Variants in SNX29 observed in about 807,000 individuals in gnomAD.
SNX29 encodes the protein sorting nexin 29.
SNX29 carries 78 observed loss-of-function variants against 102.1 expected under a neutral mutation model. That is an observed-to-expected ratio of 0.76 (90% CI 0.64 to 0.92). SNX29 has a LOEUF of 0.92. Among genes scored for constraint, SNX29 ranks in the 40% least tolerant of loss-of-function variants. The pLI is 0.00. For missense variants in SNX29, 1,280 were observed against 1,061.7 expected (o/e 1.21, Z -2.86); for synonymous variants, 580 against 414.5 (o/e 1.40, Z -4.85).
In SNX29 at chr16:12,318,782, C is replaced by T. The variant is rs137918166; in HGVS notation, c.1783-37381C>T. On this transcript the variant is annotated intron_variant, in intron 15 of 20. Transcript: ENST00000566228. ...ACCAACTCAAAATTACAAAGTTTCC[C>T]GGAGCTTACATACCTTCTAAGCTAC... is the stretch of plus-strand genomic sequence containing the variant. Among the ~76,000 whole-genome samples, 232 of 152,022 alleles carry T rather than the reference C, an allele frequency of 1.5e-3. 1 individual carries two copies. Among genetic ancestry groups the T allele is most frequent in the Middle Eastern group, 0.01 (3 of 294 alleles).
intron 19 of SNX29, among the ~76,000 whole-genome samples, chr16:12,509,619 AT>A (rs2089520806): frequency 6.6e-6 from 1 of 152,212 alleles, no homozygotes; most frequent in African/African-American, 2.4e-5. Context: ...TGGACCTCAG[AT>A]ACAAAAATGT....
At chr16:12,101,076 T>C (rs1480300983) in intron 11 of SNX29, among the ~76,000 whole-genome samples, 1 of 152,196 alleles carries the variant, frequency 6.6e-6, no homozygotes, top group African/African-American at 2.4e-5. Flanking sequence ...GTCTTTCAGC[T>C]GTTACTTCAT....
At chr16:12,566,781 A>G (rs2079029264) in intron 20 of SNX29, among the ~76,000 whole-genome samples, 1 of 152,230 alleles carries the variant, frequency 6.6e-6, no homozygotes, top group Non-Finnish European at 1.5e-5. Flanking sequence ...AGCACAGCAC[A>G]CGCCAGGCTG....
chr16:12,535,036 T>C (rs547088908), intron 20 of SNX29, among the ~76,000 whole-genome samples: 5 of 152,226 alleles, frequency 3.3e-5, no homozygotes, highest in African/African-American at 7.2e-5. Context: ...TTGGGTCTTA[T>C]AAAACCAGCT....
At chr16:12,181,871 G>C (rs940005892) in intron 13 of SNX29, among the ~76,000 whole-genome samples, 2 of 151,062 alleles carry the variant, frequency 1.3e-5, no homozygotes, top group African/African-American at 4.9e-5. Context: ...AATGCTGTCT[G>C]TGGGCTTCTG....
At chr16:12,129,256 C>G (rs2054349994) in intron 12 of SNX29, among the ~76,000 whole-genome samples, 1 of 152,170 alleles carries the variant, frequency 6.6e-6, no homozygotes, top group African/African-American at 2.4e-5. Context: ...AATCTCTGAC[C>G]TGGTGTAGCT....
chr16:12,151,539 T>A (rs2055302326), intron 13 of SNX29, among the ~76,000 whole-genome samples: 1 of 152,188 alleles, frequency 6.6e-6, no homozygotes, highest in Non-Finnish European at 1.5e-5. Context: ...CCTGCCTGCT[T>A]CCTGTTAAGC....
chr16:12,112,044 G>A (rs535737943), intron 11 of SNX29, among the ~76,000 whole-genome samples: 8 of 152,314 alleles, frequency 5.3e-5, no homozygotes, highest in South Asian at 4.1e-4. Context: ...GAGGTTGTGC[G>A]CAGAGGTTGC....
chr16:12,234,675 T>C (rs1237540809), intron 14 of SNX29, among the ~76,000 whole-genome samples: 2 of 152,234 alleles, frequency 1.3e-5, no homozygotes, highest in African/African-American at 2.4e-5. Flanking sequence ...AATGATTTGA[T>C]GTTAGAGCTG....
chr16:12,122,279 C>T lies in SNX29; in HGVS notation c.1403-4354C>T, dbSNP rs1475952681. 3.9e-5 allele frequency among the ~76,000 whole-genome samples: 6 copies of T among 152,222 alleles called. No homozygotes were observed. The East Asian group carries it at 1.2e-3, about 29-fold the overall frequency. On this transcript the variant is annotated intron_variant, in intron 11 of 20. Coordinates refer to ENST00000566228, the MANE Select transcript of SNX29 (RefSeq NM_032167.5). ...TCGCGTCTCTTGTCAGCCTGTGGCACATCTGAACTTCTGGAAGACTCTACA... is the reference window on the plus strand; with the variant it reads ...TCGCGTCTCTTGTCAGCCTGTGGCATATCTGAACTTCTGGAAGACTCTACA...
At chr16:12,424,650 G>C (rs1454686220) in intron 18 of SNX29, among the ~76,000 whole-genome samples, 2 of 152,190 alleles carry the variant, frequency 1.3e-5, no homozygotes, top group South Asian at 2.1e-4. Context: ...TATGAAGCAA[G>C]CAGGAATCAG....
intron 19 of SNX29, among the ~76,000 whole-genome samples, chr16:12,515,308 A>G (rs530009154): frequency 6.6e-6 from 1 of 152,250 alleles, no homozygotes; most frequent in African/African-American, 2.4e-5. Flanking sequence ...CACAGGTCTC[A>G]TTTATCTTTT....
chr16:12,312,507 C>T (rs1218313173), intron 15 of SNX29, among the ~76,000 whole-genome samples: 1 of 152,018 alleles, frequency 6.6e-6, no homozygotes, highest in African/African-American at 2.4e-5. Flanking sequence ...ATGAAGTGTC[C>T]CATTGAGGCA....
At chr16:11,999,721 G>T in intron 2 of SNX29, among the ~76,000 whole-genome samples, 1 of 152,102 alleles carries the variant, frequency 6.6e-6, no homozygotes, top group Non-Finnish European at 1.5e-5. Flanking sequence ...GGCCAACATG[G>T]TGAAACCCTG....
Position 12,546,081 on chromosome 16 carries a change from G to C in SNX29, c.2318+21240G>C, listed in dbSNP as rs184672231. On this transcript the variant is annotated intron_variant, in intron 20 of 20. Coordinates refer to ENST00000566228, the MANE Select transcript of SNX29 (RefSeq NM_032167.5). ...AAGCAGTCCTGGGTTTGAGTCCCCAGTCTCTCACTTCACTGTGTGACTTTG... is the reference window on the plus strand; with the variant it reads ...AAGCAGTCCTGGGTTTGAGTCCCCACTCTCTCACTTCACTGTGTGACTTTG... 2.0e-4 allele frequency among the ~76,000 whole-genome samples: 30 copies of C among 152,282 alleles called. 1 individual carries two copies. The highest frequency in any genetic ancestry group is 1.0e-3 in the Admixed American group (16 of 15,302).
rs376235153 is a variant in SNX29, at chr16:12,129,614, G to A, written c.1467-16G>A. The A allele has an allele frequency of 6.2e-6, 10 of 1,602,002 alleles. No individual in the cohort carries two copies. Among genetic ancestry groups the A allele is most frequent in the Admixed American group, 1.7e-5 (1 of 59,336 alleles). ...GGGTTGACAGCTTCTGAACAGATGG[G>A]TCCCTCTCTTCCCAGATCACTGCGA... On this transcript the variant is annotated splice_polypyrimidine_tract_variant and intron_variant, in intron 12 of 20. Coordinates refer to ENST00000566228, the MANE Select transcript of SNX29 (RefSeq NM_032167.5).
In SNX29 at chr16:12,570,262, G is replaced by T; in HGVS notation, c.*1633G>T. On this transcript the variant is annotated 3_prime_UTR_variant, in exon 21 of 21. Transcript: ENST00000566228. Reference sequence around the variant, plus strand: ...AGACCAAATGAGCTGGAGCATGTATGGAGGTGCGGACCCTGCAGTCAGTTT... The same window carrying T: ...AGACCAAATGAGCTGGAGCATGTATTGAGGTGCGGACCCTGCAGTCAGTTT... 1 of 1,065,084 alleles carries T rather than the reference G, an allele frequency of 9.4e-7. No homozygotes were observed. The highest frequency in any genetic ancestry group is 5.0e-5 in the East Asian group (1 of 20,046). 66.0% of individuals were successfully genotyped at this position (1,065,084 alleles called of 1,614,324 possible).
intron 18 of SNX29, among the ~76,000 whole-genome samples, chr16:12,429,238 T>C (rs966716802): frequency 1.3e-4 from 20 of 152,230 alleles, no homozygotes; most frequent in African/African-American, 4.6e-4. Flanking sequence ...AACACACAGA[T>C]ATGATTACAA....
chr16:12,356,832 C>T lies in SNX29; in HGVS notation c.1899+553C>T, dbSNP rs2082149540. Among the ~76,000 whole-genome samples, 7 of 152,258 alleles carry T rather than the reference C, an allele frequency of 4.6e-5. No individual in the cohort carries two copies. In the South Asian group the frequency reaches 1.4e-3, roughly 31 times the overall value. Reference sequence around the variant, plus strand: ...TGTCTAGCAGCGTCCCTGGGTTCCACCCACTAGAGGCCAGTAGCTTCACCT... The same window carrying T: ...TGTCTAGCAGCGTCCCTGGGTTCCATCCACTAGAGGCCAGTAGCTTCACCT... On this transcript the variant is annotated intron_variant, in intron 16 of 20. Transcript: ENST00000566228.
Sources: gnomAD v4.1 joint callset for allele counts (sites outside exome capture counted in the v4.1 genomes callset) on GRCh38, gnomAD v4.1.1 for gene constraint, MANE v1.5 for transcripts, NCBI Gene and HGNC (gene_info 2026-07-23, HGNC 2026-07-21) for gene names.